The following MFSD11 variants were observed in gnomAD, a reference collection of about 807,000 sequenced individuals.
MFSD11 encodes the protein UNC93-like protein MFSD11.
A neutral mutation model predicts 53.5 loss-of-function variants in MFSD11; 36 were observed. The ratio of observed to expected loss-of-function variants is 0.67; its 90% CI spans 0.52 to 0.89. The LOEUF (loss-of-function observed/expected upper bound fraction) is 0.89. Among genes scored for constraint, MFSD11 ranks in the 40% least tolerant of loss-of-function variants. The probability of loss-of-function intolerance (pLI) is 0.00; values close to 1 mark genes in which losing one functional copy is unlikely to be tolerated. For missense variants in MFSD11, 530 were observed against 543.9 expected (o/e 0.97, Z 0.25); for synonymous variants, 186 against 184.9 (o/e 1.01, Z -0.05).
the MFSD11 span, among the ~76,000 whole-genome samples, chr17:76,801,672 C>G: frequency 2.0e-5 from 3 of 152,198 alleles, no homozygotes; most frequent in Non-Finnish European, 4.4e-5. Context: ...TCTCAAACTC[C>G]TGACCTCAGG....
Position 76,778,959 on chromosome 17 carries a change from A to G in MFSD11, c.*607A>G, listed in dbSNP as rs1007888908. 6.6e-6 allele frequency: 1 copy of G among 152,596 alleles called. No individual in the cohort carries two copies. The highest frequency in any genetic ancestry group is 1.5e-5 in the Non-Finnish European group (1 of 68,414). 9.5% of individuals were successfully genotyped at this position (152,596 alleles called of 1,614,324 possible). A position where few individuals can be genotyped will look rare whatever the true frequency, so the allele number is the denominator to read the frequency against. ...GGCAACAGAGTGAGACCCTGTCTTG[A>G]AAATAATAATAGGCTGGTCACAGTG... On this transcript the variant is annotated 3_prime_UTR_variant, in exon 13 of 13. Coordinates refer to ENST00000685175, the MANE Select transcript of MFSD11 (RefSeq NM_001242532.5).
chr17:76,740,507 C>T (rs750040481), intron 2 of MFSD11, among the ~76,000 whole-genome samples: 1 of 152,192 alleles, frequency 6.6e-6, no homozygotes, highest in East Asian at 1.9e-4. Context: ...GATTGGTGGA[C>T]TGGGGCCTCT....
chr17:76,762,610 C>G (rs1438206680), intron 8 of MFSD11, among the ~76,000 whole-genome samples: 1 of 145,210 alleles, frequency 6.9e-6, no homozygotes, highest in African/African-American at 2.5e-5. Flanking sequence ...GAGCCGAGAT[C>G]GCGCCACTGC....
chr17:76,742,339 G>C, intron 5 of MFSD11, 66 bp downstream of exon 5: 1 of 1,358,092 alleles, frequency 7.4e-7, no homozygotes, highest in African/African-American at 1.5e-5. Flanking sequence ...CCATTTTTTA[G>C]GTCTTTGGTT....
At chr17:76,737,401 T>C (rs2077572714), upstream of MFSD11, 2 of 470,594 alleles carry the variant, frequency 4.2e-6, no homozygotes, top group South Asian at 4.0e-5. Flanking sequence ...CACCCGGAAA[T>C]GAAACCTTCT....
chr17:76,787,616 G>A, the MFSD11 span, among the ~76,000 whole-genome samples: 1 of 150,172 alleles, frequency 6.7e-6, no homozygotes, highest in South Asian at 2.2e-4. Flanking sequence ...CCAGCCATAT[G>A]GTTGGGTAAA....
intron 1 of MFSD11, 134 bp from the exon 2 acceptor site, chr17:76,738,804 C>CA: frequency 1.4e-6 from 1 of 693,784 alleles, no homozygotes; most frequent in Non-Finnish European, 2.5e-6. Context: ...TTTCTTTTCT[C>CA]ATAATGGACT....
chr17:76,761,951 G>A (rs142826150), intron 8 of MFSD11, among the ~76,000 whole-genome samples: 1 of 151,916 alleles, frequency 6.6e-6, no homozygotes, highest in Non-Finnish European at 1.5e-5. Flanking sequence ...TATACCATAT[G>A]ATTCACCCAT....
At chr17:76,783,012 A>C (rs989389537), downstream of MFSD11, among the ~76,000 whole-genome samples, 1 of 151,838 alleles carries the variant, frequency 6.6e-6, no homozygotes, top group Admixed American at 6.6e-5. Context: ...CCCCATCTCT[A>C]CTAAGAATAC....
the MFSD11 span, among the ~76,000 whole-genome samples, chr17:76,801,221 G>A: frequency 2.1e-3 from 312 of 151,890 alleles, no homozygotes; most frequent in African/African-American, 6.8e-3. Context: ...GCAAAACTCC[G>A]TCTCTACAAA....
chr17:76,741,648 C>CTAATTT (rs981451068), intron 3 of MFSD11, among the ~76,000 whole-genome samples: 72 of 152,142 alleles, frequency 4.7e-4, no homozygotes, highest in African/African-American at 1.6e-3. Flanking sequence ...ATTAGCCGGG[C>CTAATTT]TTGGTGGCAC....
At chr17:76,757,781 C>T (rs374210468) in intron 8 of MFSD11, among the ~76,000 whole-genome samples, 6 of 151,930 alleles carry the variant, frequency 3.9e-5, no homozygotes, top group Admixed American at 2.6e-4. Context: ...GAGGTCAAGG[C>T]AGGTGGATCA....
intron 8 of MFSD11, among the ~76,000 whole-genome samples, chr17:76,756,420 G>C (rs2079640754): frequency 6.6e-6 from 1 of 152,012 alleles, no homozygotes; most frequent in African/African-American, 2.4e-5. Flanking sequence ...CACCACACCT[G>C]GCTCGGGAAT....
chr17:76,792,840 G>A, the MFSD11 span, among the ~76,000 whole-genome samples: 4 of 151,484 alleles, frequency 2.6e-5, no homozygotes, highest in African/African-American at 7.3e-5. Flanking sequence ...AGCATCCGCC[G>A]GGTTGAGAAA....
chr17:76,781,024 C>T (rs1449486827), downstream of MFSD11: 2 of 152,196 alleles, frequency 1.3e-5, no homozygotes, highest in African/African-American at 4.8e-5. Context: ...AAATAACACA[C>T]ATCTATTTCA....
intron 5 of MFSD11, 76 bp from the exon 6 acceptor site, chr17:76,743,322 G>T: frequency 1.1e-6 from 1 of 940,816 alleles, no homozygotes. Flanking sequence ...AACAAATAAT[G>T]GGAATAATTA....
chr17:76,775,577 G>C (rs950469611), intron 11 of MFSD11, among the ~76,000 whole-genome samples: 1 of 152,192 alleles, frequency 6.6e-6, no homozygotes, highest in South Asian at 2.1e-4. Context: ...TGAGGATATC[G>C]GTTTAGTGCA....
At chr17:76,796,409 TAC>T in the MFSD11 span, among the ~76,000 whole-genome samples, 1 of 152,208 alleles carries the variant, frequency 6.6e-6, no homozygotes, top group African/African-American at 2.4e-5. Flanking sequence ...GACTGTCATT[TAC>T]AGTCTACATC....
At chr17:76,745,172 A>G (rs539884761) in intron 7 of MFSD11, among the ~76,000 whole-genome samples, 4 of 152,340 alleles carry the variant, frequency 2.6e-5, no homozygotes, top group Non-Finnish European at 5.9e-5. Flanking sequence ...TTTGTGATAC[A>G]TTGTGAAGAT....
Sources: gnomAD v4.1 joint callset for allele counts (sites outside exome capture counted in the v4.1 genomes callset) on GRCh38, gnomAD v4.1.1 for gene constraint, MANE v1.5 for transcripts, NCBI Gene and HGNC (gene_info 2026-07-23, HGNC 2026-07-21) for gene names.